The following ROBO2 variants were observed in gnomAD, a reference collection of about 807,000 sequenced individuals.
ROBO2 encodes roundabout guidance receptor 2, also known as roundabout homolog 2.
A neutral mutation model predicts 160.8 loss-of-function variants in ROBO2; 53 were observed. That is an observed-to-expected ratio of 0.33 (90% CI 0.26 to 0.41). The LOEUF (loss-of-function observed/expected upper bound fraction) is 0.41, where lower values mean the gene tolerates loss of function less well. Among genes scored for constraint, ROBO2 ranks in the 10% least tolerant of loss-of-function variants. The probability of loss-of-function intolerance (pLI) is 1.00; values close to 1 mark genes in which losing one functional copy is unlikely to be tolerated. For synonymous variants in ROBO2, 664 were observed against 611.7 expected, an observed-to-expected ratio of 1.09 and a Z score of -1.26; for missense variants, 1,577 against 1,722.4, an observed-to-expected ratio of 0.92 and a Z score of 1.49.
At chr3:76,609,860 C>T (rs1268757804) in intron 2 of ROBO2, among the ~76,000 whole-genome samples, 1 of 152,122 alleles carries the variant, frequency 6.6e-6, no homozygotes, top group Non-Finnish European at 1.5e-5. Context: ...GGGTCTGTCA[C>T]ATGTGGTTTT....
At chr3:76,661,647 T>C (rs943344385) in intron 2 of ROBO2, among the ~76,000 whole-genome samples, 3 of 152,090 alleles carry the variant, frequency 2.0e-5, no homozygotes, top group Admixed American at 2.0e-4. Context: ...AGTTGTTTCG[T>C]CCAAAGAGTT....
At chr3:76,710,249 T>C (rs1436192872) in intron 2 of ROBO2, among the ~76,000 whole-genome samples, 1 of 151,926 alleles carries the variant, frequency 6.6e-6, no homozygotes, top group Non-Finnish European at 1.5e-5. Context: ...GCCTCCCGAG[T>C]AGCTGGGACT....
chr3:76,567,654 C>CACATAT (rs1553805767), intron 2 of ROBO2, among the ~76,000 whole-genome samples: 68 of 41,648 alleles, frequency 1.6e-3, no homozygotes, highest in Non-Finnish European at 2.5e-3. Context: ...TATATATATA[C>CACATAT]ACATACACAT....
chr3:76,932,304 A>G (rs563781725), intron 2 of ROBO2, among the ~76,000 whole-genome samples: 2 of 152,188 alleles, frequency 1.3e-5, no homozygotes, highest in East Asian at 1.9e-4. Context: ...TCTTCAAACT[A>G]ATTTAAAAAA....
At chr3:76,121,492 G>A (rs2070750643) in intron 2 of ROBO2, among the ~76,000 whole-genome samples, 1 of 152,046 alleles carries the variant, frequency 6.6e-6, no homozygotes, top group African/African-American at 2.4e-5. Context: ...TGTCACTGAG[G>A]TTAGACAATT....
At chr3:77,080,580 T>A (rs2068544287) in intron 1 of ROBO2, among the ~76,000 whole-genome samples, 1 of 152,146 alleles carries the variant, frequency 6.6e-6, no homozygotes, top group Admixed American at 6.6e-5. Context: ...AATGCCATAA[T>A]GTTAATTAGT....
intron 2 of ROBO2, among the ~76,000 whole-genome samples, chr3:77,273,052 C>T (rs986769908): frequency 6.6e-6 from 1 of 152,008 alleles, no homozygotes; most frequent in African/African-American, 2.4e-5. Flanking sequence ...ATGAATGATC[C>T]CATTACTCAG....
chr3:77,430,451 TGTATTAAAAATTTTATTGATAGGA>T (rs1345460963), intron 2 of ROBO2, among the ~76,000 whole-genome samples: 35 of 152,250 alleles, frequency 2.3e-4, no homozygotes, highest in Middle Eastern at 3.4e-3. Context: ...TACATATTAA[TGTATTAAAAATTTTATTGATAGGA>T]TATGGACACA....
intron 2 of ROBO2, among the ~76,000 whole-genome samples, chr3:76,883,705 A>G (rs1446032533): frequency 6.6e-6 from 1 of 152,222 alleles, no homozygotes; most frequent in African/African-American, 2.4e-5. Context: ...CGATTGCCTA[A>G]TTAAATTTTG....
At chr3:76,551,166 T>C (rs1334594236) in intron 2 of ROBO2, among the ~76,000 whole-genome samples, 2 of 151,984 alleles carry the variant, frequency 1.3e-5, no homozygotes, top group African/African-American at 4.8e-5. Context: ...TCTGAGCCCA[T>C]GAAAACCCCA....
At chr3:76,855,438 C>T (rs2069949987) in intron 2 of ROBO2, among the ~76,000 whole-genome samples, 1 of 152,192 alleles carries the variant, frequency 6.6e-6, no homozygotes, top group Non-Finnish European at 1.5e-5. Context: ...CTAATGGATA[C>T]TGAGTTCAAA....
intron 2 of ROBO2, among the ~76,000 whole-genome samples, chr3:76,142,955 TAAAA>T (rs1212055045): frequency 1.3e-5 from 2 of 151,794 alleles, no homozygotes; most frequent in Non-Finnish European, 2.9e-5. Context: ...AAAATAAAAA[TAAAA>T]ATAAATAGTG....
At chr3:76,370,408 T>A (rs1041461820) in intron 2 of ROBO2, among the ~76,000 whole-genome samples, 8 of 151,926 alleles carry the variant, frequency 5.3e-5, no homozygotes, top group Non-Finnish European at 1.0e-4. Flanking sequence ...AAAGAATAAA[T>A]GCTTCACAGA....
intron 15 of ROBO2, 106 bp downstream of exon 16, chr3:77,577,720 G>C: frequency 1.5e-5 from 21 of 1,359,116 alleles, no homozygotes; most frequent in Non-Finnish European, 2.2e-5. Context: ...TTCAGTTTAA[G>C]TGTAAAGTTT....
At chr3:76,302,662 T>C (rs1322398000) in intron 2 of ROBO2, among the ~76,000 whole-genome samples, 1 of 152,110 alleles carries the variant, frequency 6.6e-6, no homozygotes, top group African/African-American at 2.4e-5. Context: ...TTGCCTAGAG[T>C]ATCTAGTCCA....
In ROBO2 at chr3:77,216,405, G is replaced by A. The variant is rs187565018; in HGVS notation, c.388+118065G>A. On this transcript the variant is annotated intron_variant, in intron 2 of 25. Transcript: ENST00000461745. The stretch of plus-strand genomic sequence containing the variant: ...ACAAGATATAATCTCCTGGTGCGCC[G>A]TTTACTAAGACCATTGGAAAAATGC... Among the ~76,000 whole-genome samples the A allele has an allele frequency of 1.3e-3, 201 of 152,290 alleles. 2 individuals carry two copies. The highest frequency in any genetic ancestry group is 4.4e-3 in the African/African-American group (184 of 41,554).
chr3:76,276,718 C>T (rs9631518), intron 2 of ROBO2, among the ~76,000 whole-genome samples: 117,722 of 151,896 alleles, frequency 0.78, 48,193 homozygotes, highest in Non-Finnish European at 0.93. Flanking sequence ...TTTAATTTCA[C>T]TGACAATAGG....
chr3:76,691,172 A>T (rs1347470110), intron 2 of ROBO2, among the ~76,000 whole-genome samples: 1 of 152,134 alleles, frequency 6.6e-6, no homozygotes, highest in African/African-American at 2.4e-5. Context: ...AGGGTAAGTT[A>T]TCAAGGGAAT....
intron 13 of ROBO2, among the ~76,000 whole-genome samples, chr3:77,570,609 A>T (rs1344133157): frequency 6.6e-6 from 1 of 151,952 alleles, no homozygotes; most frequent in African/African-American, 2.4e-5. Flanking sequence ...TTGTAGTTGC[A>T]CATGACATAA....
Sources: allele counts gnomAD v4.1 joint callset (sites outside exome capture counted in the v4.1 genomes callset), GRCh38; gene constraint gnomAD v4.1.1; transcripts MANE v1.5; gene names NCBI Gene and HGNC (gene_info 2026-07-23, HGNC 2026-07-21).